The following GALK2 variants were observed in gnomAD, a reference collection of about 807,000 sequenced individuals.
GALK2 encodes galactokinase 2, also known as N-acetylgalactosamine kinase.
A neutral mutation model predicts 52.4 loss-of-function variants in GALK2; 36 were observed. The ratio of observed to expected loss-of-function variants is 0.69; its 90% CI spans 0.53 to 0.91. The LOEUF is 0.91. Among genes scored for constraint, GALK2 ranks in the 40% least tolerant of loss-of-function variants. GALK2 has a pLI of 0.00. For missense variants in GALK2, 579 were observed against 559.1 expected (o/e 1.04, Z -0.36); for synonymous variants, 176 against 199.1 (o/e 0.88, Z 0.98).
chr15:49,362,279 C>G (rs2044374651), intron 3 of GALK2, among the ~76,000 whole-genome samples: 1 of 152,068 alleles, frequency 6.6e-6, no homozygotes, highest in East Asian at 1.9e-4. Context: ...ATGAGATACG[C>G]TGGCTTAAAA....
downstream of GALK2, among the ~76,000 whole-genome samples, chr15:49,333,102 C>T (rs1296616568): frequency 1.3e-5 from 2 of 152,108 alleles, no homozygotes; most frequent in Admixed American, 6.6e-5. Flanking sequence ...TAAAATCACT[C>T]CCTCTTCCAA....
At chr15:49,207,837 G>A (rs887455981) in intron 2 of GALK2, among the ~76,000 whole-genome samples, 8 of 152,108 alleles carry the variant, frequency 5.3e-5, no homozygotes, top group African/African-American at 1.9e-4. Flanking sequence ...GAGTGCAGTG[G>A]TGTGATCTCA....
chr15:49,340,041 A>T (rs1239261191), intron 3 of GALK2, among the ~76,000 whole-genome samples: 1 of 152,082 alleles, frequency 6.6e-6, no homozygotes, highest in East Asian at 1.9e-4. Context: ...AGTGGATCTT[A>T]ACTTGCTGGG....
intron 9 of GALK2, among the ~76,000 whole-genome samples, chr15:49,326,140 T>C (rs1420284309): frequency 6.6e-6 from 1 of 152,154 alleles, no homozygotes; most frequent in Non-Finnish European, 1.5e-5. Flanking sequence ...CTAGACCATG[T>C]CATGGCTGGC....
intron 3 of GALK2, among the ~76,000 whole-genome samples, chr15:49,354,601 C>G (rs965035134): frequency 1.3e-5 from 2 of 152,172 alleles, no homozygotes; most frequent in Admixed American, 6.5e-5. Context: ...GTCCTACGCC[C>G]ACGGAGTCTC....
chr15:49,345,201 T>C (rs1313922221), intron 3 of GALK2, among the ~76,000 whole-genome samples: 1 of 152,238 alleles, frequency 6.6e-6, no homozygotes, highest in Non-Finnish European at 1.5e-5. Flanking sequence ...TTATATACTA[T>C]TGGTATTGAA....
chr15:49,170,405 A>T, intron 1 of GALK2, 30 bp downstream of exon 1: 2 of 1,567,508 alleles, frequency 1.3e-6, no homozygotes, highest in East Asian at 2.4e-5. Context: ...GGGCTTTGGG[A>T]TCTGCTGGGT....
At chr15:49,163,262 T>G (rs941077331) in intron 1 of GALK2, among the ~76,000 whole-genome samples, 6 of 152,254 alleles carry the variant, frequency 3.9e-5, no homozygotes, top group African/African-American at 1.4e-4. Context: ...TTTTGTGTGC[T>G]TATTTGTCAT....
intron 5 of GALK2, among the ~76,000 whole-genome samples, chr15:49,261,357 A>G (rs7402201): frequency 0.95 from 132,602 of 139,788 alleles, 63,023 homozygotes; most frequent in African/African-American, 0.98. Context: ...CTCATGATTT[A>G]GCTGTCTGTT....
chr15:49,273,622 A>G (rs908177621), intron 5 of GALK2, among the ~76,000 whole-genome samples: 12 of 152,048 alleles, frequency 7.9e-5, no homozygotes, highest in Non-Finnish European at 4.4e-5. Flanking sequence ...CCATGTTTCA[A>G]AACAAAGCAA....
chr15:49,219,055 G>T (rs1359129658), intron 3 of GALK2, among the ~76,000 whole-genome samples: 1 of 152,188 alleles, frequency 6.6e-6, no homozygotes, highest in African/African-American at 2.4e-5. Flanking sequence ...TTAAGCTACT[G>T]ACCTCAAGTG....
intron 3 of GALK2, among the ~76,000 whole-genome samples, chr15:49,345,886 A>T (rs1216999191): frequency 6.6e-6 from 1 of 152,170 alleles, no homozygotes; most frequent in Non-Finnish European, 1.5e-5. Flanking sequence ...GAAGTGAAGT[A>T]CCTTGCCTTT....
chr15:49,306,012 A>G (rs1000017721), intron 8 of GALK2, among the ~76,000 whole-genome samples: 2 of 152,174 alleles, frequency 1.3e-5, no homozygotes, highest in Non-Finnish European at 2.9e-5. Context: ...AAAGTGAAAG[A>G]TTTTTATCTT....
chr15:49,253,179 A>T (rs1216110945), intron 5 of GALK2, among the ~76,000 whole-genome samples: 3 of 144,970 alleles, frequency 2.1e-5, no homozygotes, highest in Non-Finnish European at 3.1e-5. Flanking sequence ...TAGGATCATT[A>T]TATGTGCATT....
intron 7 of GALK2, among the ~76,000 whole-genome samples, chr15:49,288,276 A>G (rs2033588141): frequency 6.6e-6 from 1 of 152,206 alleles, no homozygotes; most frequent in South Asian, 2.1e-4. Context: ...GAAGTCAGGT[A>G]GGGAAGAGAA....
intron 6 of GALK2, among the ~76,000 whole-genome samples, chr15:49,282,749 CTACAGGCTTG>C (rs1394771520): frequency 6.6e-6 from 1 of 152,134 alleles, no homozygotes; most frequent in Non-Finnish European, 1.5e-5. Flanking sequence ...CATCAGATTC[CTACAGGCTTG>C]GCTATTTTCC....
chr15:49,311,597 C>G (rs771248737), intron 8 of GALK2, among the ~76,000 whole-genome samples: 31 of 152,218 alleles, frequency 2.0e-4, no homozygotes, highest in Admixed American at 4.6e-4. Flanking sequence ...GTTTGCTGAA[C>G]ACCTACTCAT....
At chr15:49,361,141 TATATC>T (rs1248410438) in intron 3 of GALK2, among the ~76,000 whole-genome samples, 1 of 152,194 alleles carries the variant, frequency 6.6e-6, no homozygotes, top group African/African-American at 2.4e-5. Flanking sequence ...AATGTATACA[TATATC>T]ATAACATCAC....
At chr15:49,298,563 C>G (rs2034687843) in intron 8 of GALK2, among the ~76,000 whole-genome samples, 1 of 151,942 alleles carries the variant, frequency 6.6e-6, no homozygotes, top group African/African-American at 2.4e-5. Flanking sequence ...ATAGATGGCT[C>G]TTATTATTTT....
Sources: gnomAD v4.1 joint callset for allele counts (sites outside exome capture counted in the v4.1 genomes callset) on GRCh38, gnomAD v4.1.1 for gene constraint, MANE v1.5 for transcripts, NCBI Gene and HGNC (gene_info 2026-07-23, HGNC 2026-07-21) for gene names.